Variants in TRIM37 observed in about 807,000 individuals in gnomAD.
The protein encoded by TRIM37 is E3 ubiquitin-protein ligase TRIM37.
TRIM37 carries 80 observed loss-of-function variants against 129.8 expected under a neutral mutation model. The observed-to-expected ratio is 0.62, with a 90% CI of 0.51 to 0.74. The LOEUF (loss-of-function observed/expected upper bound fraction) is 0.74. Ranked by LOEUF, TRIM37 falls within the 30% of genes least tolerant of loss-of-function variation. TRIM37 has a pLI of 0.00. For synonymous variants in TRIM37, 389 were observed against 387.1 expected, an observed-to-expected ratio of 1.00 and a Z score of -0.06; for missense variants, 1,054 against 1,176.5, an observed-to-expected ratio of 0.90 and a Z score of 1.52.
intron 17 of TRIM37, 86 bp downstream of exon 17, chr17:59,041,727 G>A (rs1330660556): frequency 5.0e-6 from 5 of 1,002,612 alleles, no homozygotes; most frequent in Non-Finnish European, 6.3e-6. Flanking sequence ...ACAAGCAGTG[G>A]CTACCACCTA....
At chr17:59,074,252 G>A (rs890191112) in intron 8 of TRIM37, among the ~76,000 whole-genome samples, 4 of 152,150 alleles carry the variant, frequency 2.6e-5, no homozygotes, top group African/African-American at 9.7e-5. Context: ...GTCTGTCATT[G>A]ACCAAAAGGT....
chr17:59,004,968 G>A (rs1420459398), intron 22 of TRIM37, among the ~76,000 whole-genome samples: 2 of 152,204 alleles, frequency 1.3e-5, no homozygotes, highest in African/African-American at 4.8e-5. Context: ...AGAGTGAAGA[G>A]TTTACAACAA....
chr17:59,024,144 G>C (rs1368425393), intron 19 of TRIM37, among the ~76,000 whole-genome samples: 7 of 150,752 alleles, frequency 4.6e-5, no homozygotes, highest in Admixed American at 1.3e-4. Flanking sequence ...AACCCAGGAG[G>C]GGGAGGTTGC....
intron 9 of TRIM37, among the ~76,000 whole-genome samples, chr17:59,066,768 G>A (rs866403104): frequency 4.6e-5 from 7 of 152,112 alleles, no homozygotes; most frequent in Non-Finnish European, 1.0e-4. Context: ...CATTAAACAG[G>A]ATACTTACTT....
At chr17:58,994,575 C>T (rs1176611213), downstream of TRIM37, among the ~76,000 whole-genome samples, 3 of 151,948 alleles carry the variant, frequency 2.0e-5, no homozygotes, top group Non-Finnish European at 2.9e-5. Flanking sequence ...AGAATGAGAC[C>T]GTCTCAAAAC....
intron 12 of TRIM37, among the ~76,000 whole-genome samples, chr17:59,058,741 G>A (rs1292597011): frequency 6.6e-6 from 1 of 152,072 alleles, no homozygotes; most frequent in African/African-American, 2.4e-5. Context: ...GTGCATTCCT[G>A]TAGTCCCAGC....
chr17:59,059,778 T>C (rs1754875460), intron 12 of TRIM37, among the ~76,000 whole-genome samples: 1 of 152,202 alleles, frequency 6.6e-6, no homozygotes, highest in Non-Finnish European at 1.5e-5. Context: ...GTCTCACTTT[T>C]GTTAGGTGGG....
At chr17:58,975,724 C>G in the TRIM37 span, among the ~76,000 whole-genome samples, 29 of 152,088 alleles carry the variant, frequency 1.9e-4, no homozygotes, top group African/African-American at 7.0e-4. Flanking sequence ...GCCTTATGTG[C>G]GAGGCTAAGT....
At chr17:59,020,938 A>C (rs1368022338) in intron 19 of TRIM37, among the ~76,000 whole-genome samples, 1 of 152,198 alleles carries the variant, frequency 6.6e-6, no homozygotes, top group Non-Finnish European at 1.5e-5. Context: ...AAAACTAAAA[A>C]TAGATCTACC....
chr17:59,087,139 A>G (rs576667395), intron 4 of TRIM37, among the ~76,000 whole-genome samples: 40 of 152,290 alleles, frequency 2.6e-4, no homozygotes, highest in Admixed American at 1.6e-3. Flanking sequence ...CTCGTTACCC[A>G]GGCTGGAATG....
intron 2 of TRIM37, among the ~76,000 whole-genome samples, chr17:59,103,873 CTT>C (rs2045758095): frequency 6.6e-6 from 1 of 152,088 alleles, no homozygotes; most frequent in African/African-American, 2.4e-5. Flanking sequence ...GTCTCGATCT[CTT>C]GACCTCGTGA....
rs868504667 is a variant in TRIM37, at chr17:59,015,600, C to T, written c.2576+10G>A. Reference sequence around the variant, plus strand: ...TTATACCATTACATATACAAAACAACTTAATTTACCCCAAGGTGACCATTT... The same window carrying T: ...TTATACCATTACATATACAAAACAATTTAATTTACCCCAAGGTGACCATTT... On this transcript the variant is annotated intron_variant, in intron 21 of 23. Coordinates refer to ENST00000262294, the MANE Select transcript of TRIM37 (RefSeq NM_015294.6). The T allele has an allele frequency of 4.3e-6, 7 of 1,613,790 alleles. No individual in the cohort carries two copies. The highest frequency in any genetic ancestry group is 3.4e-4 in the Middle Eastern group (2 of 5,968).
Position 58,998,379 on chromosome 17 carries a change from G to A in TRIM37, c.*998C>T, listed in dbSNP as rs1437719943. 3 of 985,206 alleles carry A rather than the reference G, an allele frequency of 3.0e-6. No homozygotes were observed. Among genetic ancestry groups the A allele is most frequent in the African/African-American group, 3.5e-5 (2 of 57,192 alleles). 61.0% of individuals were successfully genotyped at this position (985,206 alleles called of 1,614,324 possible). ...TTTAATTATTCATGCTTTTTCAATAGTCTCTTAGTCAACTTTCAGTGTAAT... is the reference window on the plus strand; with the variant it reads ...TTTAATTATTCATGCTTTTTCAATAATCTCTTAGTCAACTTTCAGTGTAAT... On this transcript the variant is annotated 3_prime_UTR_variant, in exon 24 of 24. Transcript: ENST00000262294.
intron 16 of TRIM37, among the ~76,000 whole-genome samples, chr17:59,045,906 C>A (rs2039745995): frequency 6.6e-6 from 1 of 151,802 alleles, no homozygotes; most frequent in South Asian, 2.1e-4. Context: ...ATCCTTGCTA[C>A]TCGGGAGGCT....
chr17:59,090,706 A>G (rs1027118871), intron 3 of TRIM37, among the ~76,000 whole-genome samples: 1 of 151,878 alleles, frequency 6.6e-6, no homozygotes, highest in Non-Finnish European at 1.5e-5. Flanking sequence ...GCTCACTCCA[A>G]CCTCCACCTC....
intron 24 of TRIM37, chr17:58,983,114 T>C (rs2031469198): frequency 1.8e-6 from 1 of 556,440 alleles, no homozygotes. Flanking sequence ...AAAAAATGGC[T>C]GGATAGAACT....
intron 24 of TRIM37, among the ~76,000 whole-genome samples, chr17:58,991,078 G>C (rs1239986389): frequency 6.6e-6 from 1 of 151,226 alleles, no homozygotes; most frequent in African/African-American, 2.4e-5. Context: ...AGGAGGCTGA[G>C]GCAGAAGAAT....
chr17:59,032,892 A>G (rs1360202756), intron 17 of TRIM37, among the ~76,000 whole-genome samples: 1 of 152,178 alleles, frequency 6.6e-6, no homozygotes, highest in African/African-American at 2.4e-5. Flanking sequence ...TGATTAAATA[A>G]TGGGGTACAA....
chr17:59,061,154 A>G, intron 11 of TRIM37, 46 bp from the exon 12 acceptor site: 1 of 1,450,418 alleles, frequency 6.9e-7, no homozygotes, highest in Non-Finnish European at 9.7e-7. Context: ...TTAAGCCACA[A>G]TAAAACAAAA....
Sources: gnomAD v4.1 joint callset for allele counts (sites outside exome capture counted in the v4.1 genomes callset) on GRCh38, gnomAD v4.1.1 for gene constraint, MANE v1.5 for transcripts, NCBI Gene and HGNC (gene_info 2026-07-23, HGNC 2026-07-21) for gene names.